METAP1: variants seen among roughly 807,000 people sequenced by gnomAD.
The protein encoded by METAP1 is methionine aminopeptidase 1.
A neutral mutation model predicts 53.8 loss-of-function variants in METAP1; 28 were observed. The ratio of observed to expected loss-of-function variants is 0.52; its 90% confidence interval spans 0.39 to 0.71. METAP1 has a LOEUF of 0.71. Ranked by LOEUF, METAP1 falls within the 30% of genes least tolerant of loss-of-function variation. The pLI is 0.00. For missense variants in METAP1, 389 were observed against 479.8 expected, an observed-to-expected ratio of 0.81 and a Z score of 1.77; for synonymous variants, 181 against 165.7, an observed-to-expected ratio of 1.09 and a Z score of -0.71.
intron 4 of METAP1, among the ~76,000 whole-genome samples, chr4:99,039,014 T>C (rs1421325319): frequency 6.6e-6 from 1 of 152,184 alleles, no homozygotes; most frequent in Non-Finnish European, 1.5e-5. Context: ...GTATAATTGC[T>C]TCATGAGATG....
intron 8 of METAP1, among the ~76,000 whole-genome samples, chr4:99,046,961 A>G (rs1337950772): frequency 1.3e-5 from 2 of 151,480 alleles, no homozygotes; most frequent in African/African-American, 2.4e-5. Flanking sequence ...AAAAAAAAGA[A>G]AAAGAAAAAA....
At chr4:99,026,422 AAGT>A in intron 1 of METAP1, 5 of 985,372 alleles carry the variant, frequency 5.1e-6, no homozygotes, top group Non-Finnish European at 6.0e-6. Flanking sequence ...TTTTTAGAGA[AAGT>A]AGCATTTGAA....
chr4:99,042,582 C>G (rs577183719), intron 6 of METAP1, among the ~76,000 whole-genome samples: 1 of 152,128 alleles, frequency 6.6e-6, no homozygotes, highest in East Asian at 1.9e-4. Flanking sequence ...TTTACCGTTT[C>G]TTAATTATAC....
chr4:99,035,479 A>T lies in METAP1; in HGVS notation c.340+19A>T. The T allele has an allele frequency of 6.6e-7, 1 of 1,522,934 alleles. No homozygotes were observed. Among genetic ancestry groups the T allele is most frequent in the East Asian group, 2.5e-5 (1 of 40,698 alleles). 94.3% of individuals were successfully genotyped at this position (1,522,934 alleles called of 1,614,324 possible). A position where few individuals can be genotyped will look rare whatever the true frequency, so the allele number is the denominator to read the frequency against. On this transcript the variant is annotated intron_variant, in intron 4 of 10. Transcript: ENST00000296411. The stretch of plus-strand genomic sequence containing the variant: ...CCCTTAGGTAAGCTCTGCTATGTTG[A>T]TTCTTCATTTTTCAATTTGTGGGCT...
chr4:99,009,710 T>C (rs1397401456), intron 1 of METAP1, among the ~76,000 whole-genome samples: 1 of 152,224 alleles, frequency 6.6e-6, no homozygotes. Flanking sequence ...ATTTTAAAAA[T>C]TGGGTTAATT....
At chr4:99,019,184 T>G (rs1332514452) in intron 1 of METAP1, among the ~76,000 whole-genome samples, 1 of 152,202 alleles carries the variant, frequency 6.6e-6, no homozygotes, top group Non-Finnish European at 1.5e-5. Flanking sequence ...TAATAGTAGC[T>G]CTTCTGGAGA....
intron 3 of METAP1, among the ~76,000 whole-genome samples, chr4:99,034,770 T>C (rs1187242852): frequency 1.3e-5 from 2 of 152,148 alleles, no homozygotes; most frequent in East Asian, 1.9e-4. Flanking sequence ...CCAGGAGATA[T>C]GGAGGACTGA....
intron 9 of METAP1, among the ~76,000 whole-genome samples, chr4:99,050,249 G>A (rs1180727207): frequency 6.6e-6 from 1 of 152,204 alleles, no homozygotes; most frequent in African/African-American, 2.4e-5. Context: ...GCAGCAGGCA[G>A]TCCAGGTGTG....
At chr4:99,053,642 A>G (rs1026429613) in intron 9 of METAP1, among the ~76,000 whole-genome samples, 2 of 152,240 alleles carry the variant, frequency 1.3e-5, no homozygotes, top group Non-Finnish European at 2.9e-5. Context: ...AGGAATCACT[A>G]TCTACGGCAG....
At chr4:99,056,479 G>T (rs1727127870) in intron 9 of METAP1, among the ~76,000 whole-genome samples, 1 of 152,160 alleles carries the variant, frequency 6.6e-6, no homozygotes, top group South Asian at 2.1e-4. Flanking sequence ...CTTGGAGAGA[G>T]AAATGGAGTT....
At chr4:99,022,459 T>G in intron 1 of METAP1, 1 of 619,252 alleles carries the variant, frequency 1.6e-6, no homozygotes, top group South Asian at 2.7e-5. Context: ...CTGTGCTGCT[T>G]TCCGGGCCCT....
At chr4:99,025,883 T>C (rs1724525570) in intron 1 of METAP1, among the ~76,000 whole-genome samples, 1 of 152,250 alleles carries the variant, frequency 6.6e-6, no homozygotes, top group South Asian at 2.1e-4. Context: ...ACCCCTTGTC[T>C]TAACCCAGAC....
intron 1 of METAP1, among the ~76,000 whole-genome samples, chr4:99,021,708 G>T (rs558773709): frequency 6.6e-6 from 1 of 152,292 alleles, no homozygotes; most frequent in South Asian, 2.1e-4. Flanking sequence ...GTTCCCATTG[G>T]CTGGGATGGG....
intron 6 of METAP1, 47 bp from the exon 7 acceptor site, chr4:99,043,202 C>A (rs1726000597): frequency 7.3e-7 from 1 of 1,368,988 alleles, no homozygotes. Context: ...TAATTTCATA[C>A]AGATTTTTTC....
chr4:99,058,554 G>A (rs77706325), intron 10 of METAP1, among the ~76,000 whole-genome samples: 164 of 152,222 alleles, frequency 1.1e-3, no homozygotes, highest in Middle Eastern at 6.8e-3. Context: ...AGTGATTCTG[G>A]TAATGGAGCT....
At chr4:99,055,390 CA>C (rs34092755) in intron 9 of METAP1, among the ~76,000 whole-genome samples, 86,703 of 122,074 alleles carry the variant, frequency 0.71, 29,141 homozygotes, top group East Asian at 0.96. Flanking sequence ...GAGTCCATCT[CA>C]AAAAAAAAAA....
chr4:99,034,208 T>G (rs1725267470), intron 2 of METAP1, 22 bp from the exon 3 acceptor site: 1 of 1,392,244 alleles, frequency 7.2e-7, no homozygotes, highest in Non-Finnish European at 1.0e-6. Flanking sequence ...CTTCCTCTCA[T>G]ATCTATTCCT....
intron 6 of METAP1, 124 bp downstream of exon 6, chr4:99,041,250 A>G: frequency 1.9e-6 from 1 of 521,258 alleles, no homozygotes; most frequent in South Asian, 4.4e-5. Context: ...TTTGAAAGCA[A>G]ATTTTTGCTT....
Position 99,025,970 on chromosome 4 carries a change from G to T in METAP1, c.115-2897G>T, listed in dbSNP as rs554558886. ...TTTAAATCTACCTGTCACCTGGAAGGCTCCTTCCCCACTTTTGAGTTGTCC... is the reference window on the plus strand; with the variant it reads ...TTTAAATCTACCTGTCACCTGGAAGTCTCCTTCCCCACTTTTGAGTTGTCC... On this transcript the variant is annotated intron_variant, in intron 1 of 10. Transcript: ENST00000296411. Among the ~76,000 whole-genome samples the T allele has an allele frequency of 8.5e-5, 13 of 152,278 alleles. No homozygotes were observed. In the South Asian group the frequency reaches 1.7e-3, roughly 19 times the overall value.
Sources: gnomAD v4.1 joint callset for allele counts (sites outside exome capture counted in the v4.1 genomes callset) on GRCh38, gnomAD v4.1.1 for gene constraint, MANE v1.5 for transcripts, NCBI Gene and HGNC (gene_info 2026-07-23, HGNC 2026-07-21) for gene names.